KCTD1: variants seen among roughly 807,000 people sequenced by gnomAD.
KCTD1 encodes the protein potassium channel tetramerization domain containing 1, also known as BTB/POZ domain-containing protein KCTD1.
Under a neutral mutation model 66.0 loss-of-function variants are expected in KCTD1, and 24 were observed. The ratio of observed to expected loss-of-function variants is 0.36; its 90% CI spans 0.26 to 0.51. The LOEUF is 0.51. KCTD1 is among the 20% of genes least tolerant of loss of function. The pLI, the probability that KCTD1 is intolerant of heterozygous loss-of-function variation, is 0.95. For synonymous variants in KCTD1, 511 were observed against 517.2 expected (o/e 0.99, Z 0.16); for missense variants, 943 against 1,205.2 (o/e 0.78, Z 3.22).
At chr18:26,630,516 A>C (rs1194576158), upstream of KCTD1, among the ~76,000 whole-genome samples, 1 of 152,014 alleles carries the variant, frequency 6.6e-6, no homozygotes, top group East Asian at 1.9e-4. Context: ...GGGTCTTGCC[A>C]TGTTGCCCAG....
At chr18:26,612,724 T>C (rs1010987603) in intron 1 of KCTD1, among the ~76,000 whole-genome samples, 2 of 152,228 alleles carry the variant, frequency 1.3e-5, no homozygotes, top group East Asian at 3.8e-4. Context: ...GTGTGGTACT[T>C]TGTTACAGCA....
chr18:26,489,305 C>A (rs8082985), intron 2 of KCTD1, among the ~76,000 whole-genome samples: 5 of 152,148 alleles, frequency 3.3e-5, no homozygotes, highest in African/African-American at 1.2e-4. Context: ...TCTGGTGATG[C>A]GGTGGACCAG....
chr18:26,614,518 C>T (rs1237068191), intron 1 of KCTD1, among the ~76,000 whole-genome samples: 4 of 152,158 alleles, frequency 2.6e-5, no homozygotes, highest in African/African-American at 9.7e-5. Flanking sequence ...AGGGATGAAT[C>T]GTTCAGCCTC....
Position 26,627,278 on chromosome 18 carries a change from G to GTA in KCTD1, c.-16+1868_-16+1869insTA, listed in dbSNP as rs1838240010. 1.3e-5 allele frequency among the ~76,000 whole-genome samples: 2 copies of GTA among 151,272 alleles called. 1 individual carries two copies. Among genetic ancestry groups the GTA allele is most frequent in the African/African-American group, 4.9e-5 (2 of 40,948 alleles). ...TTCTGGGTTTTGTGTGTGTGTGTGT[G>GTA]TGTGTGTGTGTGTGTGTGTGTGTGC... On this transcript the variant is annotated intron_variant, in intron 1 of 4. Coordinates refer to the KCTD1 transcript ENST00000317932.
At chr18:26,621,412 A>G (rs1348220760) in intron 1 of KCTD1, among the ~76,000 whole-genome samples, 1 of 151,904 alleles carries the variant, frequency 6.6e-6, no homozygotes, top group Non-Finnish European at 1.5e-5. Flanking sequence ...TTCCATAAAT[A>G]CCTGCTCAAT....
At chr18:26,644,404 C>G (rs746220704), upstream of KCTD1, among the ~76,000 whole-genome samples, 1 of 152,072 alleles carries the variant, frequency 6.6e-6, no homozygotes, top group Non-Finnish European at 1.5e-5. Context: ...CAAGTGTCCA[C>G]TGAACCCAGG....
At chr18:26,600,088 C>T (rs1320812810) in intron 1 of KCTD1, 3 of 1,610,748 alleles carry the variant, frequency 1.9e-6, no homozygotes, top group African/African-American at 2.7e-5. Context: ...GAAGCCAGAT[C>T]CGGCTTCCCT....
upstream of KCTD1, among the ~76,000 whole-genome samples, chr18:26,642,773 A>G (rs1987856167): frequency 6.6e-6 from 1 of 150,914 alleles, no homozygotes; most frequent in Non-Finnish European, 1.5e-5. Flanking sequence ...CCTTTAGAGC[A>G]TGTTCCATTC....
intron 1 of KCTD1, among the ~76,000 whole-genome samples, chr18:26,514,568 A>AAG (rs1275022469): frequency 7.3e-6 from 1 of 136,952 alleles, no homozygotes; most frequent in African/African-American, 2.8e-5. Flanking sequence ...AAAAAAAAAA[A>AAG]AAAGAAATGG....
intron 3 of KCTD1, among the ~76,000 whole-genome samples, chr18:26,464,809 C>T (rs1018136993): frequency 6.6e-6 from 1 of 152,148 alleles, no homozygotes; most frequent in Non-Finnish European, 1.5e-5. Flanking sequence ...TGGGTGGTTC[C>T]CTAGCAGGCA....
chr18:26,598,968 T>G (rs1382544044), intron 1 of KCTD1, among the ~76,000 whole-genome samples: 1 of 152,224 alleles, frequency 6.6e-6, no homozygotes, highest in Non-Finnish European at 1.5e-5. Flanking sequence ...CTTCATGATG[T>G]CTTTTGTAGC....
At chr18:26,532,597 C>A (rs1984503032) in intron 1 of KCTD1, among the ~76,000 whole-genome samples, 1 of 152,200 alleles carries the variant, frequency 6.6e-6, no homozygotes, top group Non-Finnish European at 1.5e-5. Context: ...GAATCTGCTA[C>A]TCACCTTCTC....
chr18:26,654,602 A>G (rs969856104), intron 1 of KCTD1, among the ~76,000 whole-genome samples: 16 of 152,224 alleles, frequency 1.1e-4, no homozygotes, highest in Non-Finnish European at 1.9e-4. Context: ...TTAATACAGC[A>G]AAATCACTGC....
intron 2 of KCTD1, among the ~76,000 whole-genome samples, chr18:26,493,390 C>T (rs1982306490): frequency 2.2e-5 from 3 of 134,884 alleles, no homozygotes; most frequent in Non-Finnish European, 5.0e-5. Context: ...TATAGATGAA[C>T]AAAGATGTAT....
chr18:26,542,942 A>C (rs1480223819), intron 1 of KCTD1: 3 of 152,218 alleles, frequency 2.0e-5, no homozygotes, highest in African/African-American at 7.2e-5. Context: ...TTTCTTTCCC[A>C]AAATGACTGC....
At chr18:26,617,139 CTATGAACCTGTGAG>C (rs1987272979) in intron 1 of KCTD1, among the ~76,000 whole-genome samples, 1 of 152,158 alleles carries the variant, frequency 6.6e-6, no homozygotes, top group Admixed American at 6.5e-5. Context: ...CACTTAACAC[CTATGAACCTGTGAG>C]TAGTGGACTC....
chr18:26,579,862 A>T (rs1986313317), intron 1 of KCTD1, among the ~76,000 whole-genome samples: 1 of 152,138 alleles, frequency 6.6e-6, no homozygotes, highest in South Asian at 2.1e-4. Context: ...TCTCCCACAC[A>T]TTGGAAGGAG....
chr18:26,615,915 C>T (rs1356694357), intron 1 of KCTD1, among the ~76,000 whole-genome samples: 2 of 152,070 alleles, frequency 1.3e-5, no homozygotes, highest in African/African-American at 2.4e-5. Flanking sequence ...CTCAGCCTCC[C>T]AAGTAGCTGG....
chr18:26,546,836 CA>C lies in KCTD1; in HGVS notation c.1700del (p.Val567GlyfsTer5). The C allele has an allele frequency of 6.5e-7, 1 of 1,528,098 alleles. No individual in the cohort carries two copies. The highest frequency in any genetic ancestry group is 8.8e-7 in the Non-Finnish European group (1 of 1,138,024). 94.7% of individuals were successfully genotyped at this position (1,528,098 alleles called of 1,614,324 possible). A position where few individuals can be genotyped will look rare whatever the true frequency, so the allele number is the denominator to read the frequency against. ...GGGGGTCGTGTTTCACGGAAACCAC[CA>C]CCACCGCATCCACAGGCTCCGAGGG... The part of the protein sequence containing the change: ...IRPSEPVDAV[V>X]VVSVKHDPLP... On this transcript the variant is annotated frameshift_variant, in exon 1 of 5. Coordinates refer to ENST00000580059, the MANE Select transcript of KCTD1 (RefSeq NM_001142730.3). LOFTEE classifies it high-confidence loss of function.
Sources: allele counts gnomAD v4.1 joint callset (sites outside exome capture counted in the v4.1 genomes callset), GRCh38; gene constraint gnomAD v4.1.1; transcripts MANE v1.5; gene names NCBI Gene and HGNC (gene_info 2026-07-23, HGNC 2026-07-21).